ASPH: variants seen among roughly 807,000 people sequenced by gnomAD.
The protein encoded by ASPH is aspartyl/asparaginyl beta-hydroxylase.
In ASPH, 100 loss-of-function variants were observed where a neutral mutation model predicts 118.4. The observed-to-expected ratio is 0.84, with a 90% CI of 0.72 to 1.00. The LOEUF (loss-of-function observed/expected upper bound fraction) is 1.00, where lower values mean the gene tolerates loss of function less well. ASPH is among the 50% of genes least tolerant of loss of function. ASPH has a pLI of 0.00. For missense variants in ASPH, 920 were observed against 919.5 expected (o/e 1.00, Z -0.01); for synonymous variants, 315 against 325.6 (o/e 0.97, Z 0.35).
At position 61,675,253 on chromosome 8, in the gene ASPH, G is replaced by A. The variant is rs895263108; in HGVS notation, c.322+5715C>T. ...GTTAATGAAGGAAAAAATGGAAAAA[G>A]ACTTATTTAGGATGAATAATTTTAA... On this transcript the variant is annotated intron_variant, in intron 3 of 24. Transcript: ENST00000379454. The A allele has an allele frequency of 4.6e-6, 4 of 868,346 alleles. No individual in the cohort carries two copies. The African/African-American group carries it at 7.3e-5, about 16-fold the overall frequency. 53.8% of individuals were successfully genotyped at this position (868,346 alleles called of 1,614,324 possible).
intron 3 of ASPH, chr8:61,663,053 C>A (rs1817722155): frequency 2.0e-6 from 2 of 985,304 alleles, no homozygotes; most frequent in Middle Eastern, 5.2e-4. Flanking sequence ...GTGAAGACAG[C>A]ACTTAAAATT....
Position 61,567,215 on chromosome 8 carries a change from AG to A in ASPH, c.1252del (p.Leu418CysfsTer2). ...GCGACGCTTCAAACTCAGCTTCAGC[AG>A]GTCTGCAGGGACATCAGGTAGGCTG... ...VASLPDVPAD[L>X]LKLSLKRRSD... is the part of the protein sequence containing the mutation. On this transcript the variant is annotated frameshift_variant, in exon 17 of 25. Transcript: ENST00000379454. LOFTEE classifies it high-confidence loss of function. 1 of 1,614,086 alleles carries A rather than the reference AG, an allele frequency of 6.2e-7. No homozygotes were observed. The highest frequency in any genetic ancestry group is 8.5e-7 in the Non-Finnish European group (1 of 1,179,976).
intron 3 of ASPH, among the ~76,000 whole-genome samples, chr8:61,670,686 G>C (rs1311465807): frequency 6.6e-6 from 1 of 152,064 alleles, no homozygotes; most frequent in East Asian, 1.9e-4. Context: ...TAACAGGAGA[G>C]AGGTGATGAG....
At chr8:61,667,911 C>T (rs982174228) in intron 3 of ASPH, among the ~76,000 whole-genome samples, 1 of 151,942 alleles carries the variant, frequency 6.6e-6, no homozygotes, top group Admixed American at 6.6e-5. Flanking sequence ...TTTTAGGGAA[C>T]AAGGTAAGAT....
intron 1 of ASPH, among the ~76,000 whole-genome samples, chr8:61,697,431 TAATTC>T (rs1834185972): frequency 6.6e-6 from 1 of 152,174 alleles, no homozygotes; most frequent in East Asian, 1.9e-4. Context: ...GGCTGTCCTC[TAATTC>T]AATTCAGTTC....
intron 22 of ASPH, among the ~76,000 whole-genome samples, chr8:61,520,476 C>G (rs1192708435): frequency 6.6e-6 from 1 of 151,996 alleles, no homozygotes; most frequent in Non-Finnish European, 1.5e-5. Context: ...AAGGTATTCA[C>G]CCCAATCAAA....
intron 22 of ASPH, among the ~76,000 whole-genome samples, chr8:61,525,661 C>T (rs1034143505): frequency 1.3e-5 from 2 of 152,146 alleles, no homozygotes; most frequent in Non-Finnish European, 2.9e-5. Context: ...TTCAGTTATG[C>T]CTACACAGTA....
At chr8:61,650,152 T>G (rs1234057740) in intron 5 of ASPH, among the ~76,000 whole-genome samples, 1 of 152,090 alleles carries the variant, frequency 6.6e-6, no homozygotes, top group African/African-American at 2.4e-5. Flanking sequence ...TCTGTTAAGT[T>G]AAAGTTGGGG....
At chr8:61,589,789 C>A (rs982465875) in intron 14 of ASPH, among the ~76,000 whole-genome samples, 11 of 152,100 alleles carry the variant, frequency 7.2e-5, no homozygotes, top group African/African-American at 2.4e-4. Context: ...CAGAATTCAA[C>A]GGGATCTTTC....
Position 61,710,363 on chromosome 8 carries a change from A to C in ASPH, c.103+3906T>G, listed in dbSNP as rs1439547054. On this transcript the variant is annotated intron_variant, in intron 1 of 24. Transcript: ENST00000379454. ...AAGTATCTGATATTAACTAACAACA[A>C]GATGGATAGACCCTATGAGCCTTTA... Among the ~76,000 whole-genome samples the C allele has an allele frequency of 3.9e-5, 6 of 152,220 alleles. No homozygotes were observed. The East Asian group carries it at 1.2e-3, about 29-fold the overall frequency.
intron 21 of ASPH, among the ~76,000 whole-genome samples, chr8:61,534,036 C>G (rs1218220727): frequency 6.6e-6 from 1 of 152,160 alleles, no homozygotes; most frequent in African/African-American, 2.4e-5. Context: ...CAACCTCTGC[C>G]TCCCGGGATC....
chr8:61,703,300 G>A (rs1835717798), intron 1 of ASPH, among the ~76,000 whole-genome samples: 1 of 152,086 alleles, frequency 6.6e-6, no homozygotes, highest in African/African-American at 2.4e-5. Context: ...AATTAGTGCA[G>A]TAAGGCAAGA....
intron 21 of ASPH, among the ~76,000 whole-genome samples, chr8:61,532,910 G>A (rs1216006529): frequency 6.6e-6 from 1 of 152,148 alleles, no homozygotes; most frequent in African/African-American, 2.4e-5. Context: ...AAAAGTGCTT[G>A]CACTATATGC....
chr8:61,654,336 T>C (rs1812565514), intron 3 of ASPH, among the ~76,000 whole-genome samples: 1 of 152,232 alleles, frequency 6.6e-6, no homozygotes, highest in African/African-American at 2.4e-5. Flanking sequence ...AGTTATTTGA[T>C]ATTTTGTATG....
chr8:61,607,090 T>G (rs1401038709), intron 14 of ASPH: 1 of 537,630 alleles, frequency 1.9e-6, no homozygotes, highest in African/African-American at 1.9e-5. Context: ...AGTCTCTACC[T>G]CTTTACATTG....
intron 24 of ASPH, 83 bp from the exon 25 acceptor site, chr8:61,503,592 A>G: frequency 7.3e-7 from 1 of 1,369,692 alleles, no homozygotes; most frequent in Non-Finnish European, 9.9e-7. Flanking sequence ...ATGTGCGAGA[A>G]CTACCTTTGG....
At chr8:61,676,384 G>A in intron 3 of ASPH, 2 of 1,423,452 alleles carry the variant, frequency 1.4e-6, no homozygotes, top group Admixed American at 2.4e-5. Context: ...AAAAGAAGTG[G>A]AGGAAGGGTG....
chr8:61,545,735 G>A (rs967886818), intron 21 of ASPH, among the ~76,000 whole-genome samples: 1 of 152,154 alleles, frequency 6.6e-6, no homozygotes, highest in Non-Finnish European at 1.5e-5. Context: ...CTTAACAAAA[G>A]TCTGACTTTG....
At chr8:61,677,521 G>A (rs1198110137) in intron 3 of ASPH, among the ~76,000 whole-genome samples, 3 of 152,102 alleles carry the variant, frequency 2.0e-5, no homozygotes, top group Non-Finnish European at 4.4e-5. Flanking sequence ...AGGATAAGAC[G>A]ACAACTAATT....
Sources: gnomAD v4.1 joint callset for allele counts (sites outside exome capture counted in the v4.1 genomes callset) on GRCh38, gnomAD v4.1.1 for gene constraint, MANE v1.5 for transcripts, NCBI Gene and HGNC (gene_info 2026-07-23, HGNC 2026-07-21) for gene names.